LRP1B: variants seen among roughly 807,000 people sequenced by gnomAD.
LRP1B encodes low-density lipoprotein receptor-related protein 1B.
LRP1B carries 217 observed loss-of-function variants against 556.6 expected under a neutral mutation model. That is an observed-to-expected ratio of 0.39 (90% confidence interval 0.35 to 0.44). The LOEUF (loss-of-function observed/expected upper bound fraction) is 0.44. LRP1B is among the 20% of genes least tolerant of loss of function. The probability of loss-of-function intolerance (pLI) is 1.00; values close to 1 mark genes in which losing one functional copy is unlikely to be tolerated. For missense variants in LRP1B, 5,053 were observed against 5,620.8 expected (o/e 0.90, Z 3.23); for synonymous variants, 2,047 against 1,865.8 (o/e 1.10, Z -2.50).
intron 1 of LRP1B, among the ~76,000 whole-genome samples, chr2:142,084,245 G>C (rs939710500): frequency 6.6e-6 from 1 of 152,188 alleles, no homozygotes; most frequent in East Asian, 1.9e-4. Context: ...GCCTCCCAAA[G>C]TGTTGGGCTT....
intron 7 of LRP1B, among the ~76,000 whole-genome samples, chr2:141,142,718 G>A (rs1465339056): frequency 6.6e-6 from 1 of 151,976 alleles, no homozygotes; most frequent in Non-Finnish European, 1.5e-5. Flanking sequence ...AAGTGAAAAA[G>A]TGAAAATAAT....
intron 2 of LRP1B, among the ~76,000 whole-genome samples, chr2:141,526,731 G>A (rs921975644): frequency 3.3e-5 from 5 of 151,942 alleles, no homozygotes; most frequent in Non-Finnish European, 7.4e-5. Context: ...TCTGGTAAAA[G>A]GGTATTGTAA....
intron 1 of LRP1B, among the ~76,000 whole-genome samples, chr2:141,880,435 A>G (rs984811683): frequency 2.6e-5 from 4 of 152,174 alleles, no homozygotes; most frequent in East Asian, 1.9e-4. Context: ...AATAAAAACT[A>G]TATATAAATG....
intron 1 of LRP1B, among the ~76,000 whole-genome samples, chr2:142,123,433 T>C (rs547913658): frequency 6.6e-6 from 1 of 152,134 alleles, no homozygotes; most frequent in Non-Finnish European, 1.5e-5. Flanking sequence ...CAAGAGACGA[T>C]AGGTGGTACC....
At chr2:140,334,690 C>A in intron 78 of LRP1B, 131 bp from the exon 79 acceptor site, 1 of 499,758 alleles carries the variant, frequency 2.0e-6, no homozygotes, top group Non-Finnish European at 3.6e-6. Flanking sequence ...AGAGTCAACT[C>A]AAAACACACA....
intron 2 of LRP1B, among the ~76,000 whole-genome samples, chr2:141,580,066 A>G (rs1469821044): frequency 6.6e-6 from 1 of 152,112 alleles, no homozygotes; most frequent in Non-Finnish European, 1.5e-5. Context: ...CTTGTCACCA[A>G]GTTCTTCTGG....
At chr2:141,309,802 C>G (rs1405807216) in intron 3 of LRP1B, among the ~76,000 whole-genome samples, 2 of 151,868 alleles carry the variant, frequency 1.3e-5, no homozygotes, top group African/African-American at 4.8e-5. Flanking sequence ...TGTAACAAAC[C>G]TGCACGTTCT....
chr2:141,674,136 A>G (rs1690783735), intron 2 of LRP1B, among the ~76,000 whole-genome samples: 2 of 152,100 alleles, frequency 1.3e-5, no homozygotes, highest in African/African-American at 4.8e-5. Flanking sequence ...CCATAATCTT[A>G]TACATTAACA....
intron 66 of LRP1B, among the ~76,000 whole-genome samples, chr2:140,431,986 CA>C (rs1206797136): frequency 6.6e-6 from 1 of 152,116 alleles, no homozygotes; most frequent in Non-Finnish European, 1.5e-5. Context: ...TATAAGAAGA[CA>C]GGAATGTCAG....
chr2:141,688,684 A>G (rs1691402087), intron 2 of LRP1B, among the ~76,000 whole-genome samples: 1 of 151,904 alleles, frequency 6.6e-6, no homozygotes, highest in African/African-American at 2.4e-5. Flanking sequence ...ATCTCGTTCC[A>G]GAAACAAGTC....
intron 3 of LRP1B, among the ~76,000 whole-genome samples, chr2:141,325,368 G>C (rs1687394188): frequency 6.6e-6 from 1 of 152,048 alleles, no homozygotes; most frequent in South Asian, 2.1e-4. Flanking sequence ...TGTTTCAAGA[G>C]TTAAATATAT....
chr2:141,204,948 A>C (rs1682207234), intron 6 of LRP1B, among the ~76,000 whole-genome samples: 1 of 151,974 alleles, frequency 6.6e-6, no homozygotes, highest in African/African-American at 2.4e-5. Context: ...GATAAAAAAA[A>C]AGGAAAAAGA....
At chr2:141,153,241 G>A (rs7606139) in intron 7 of LRP1B, among the ~76,000 whole-genome samples, 85,655 of 127,358 alleles carry the variant, frequency 0.67, 28,782 homozygotes, top group Middle Eastern at 0.78. Flanking sequence ...TATATAATTT[G>A]TATATATAAT....
chr2:140,895,564 C>T (rs1021832715), intron 23 of LRP1B, among the ~76,000 whole-genome samples: 2 of 152,136 alleles, frequency 1.3e-5, no homozygotes, highest in African/African-American at 2.4e-5. Flanking sequence ...TGTTACCGTG[C>T]GCTCTTTTAC....
intron 2 of LRP1B, among the ~76,000 whole-genome samples, chr2:141,699,271 G>A (rs1691849177): frequency 6.6e-6 from 1 of 151,794 alleles, no homozygotes; most frequent in Non-Finnish European, 1.5e-5. Context: ...AAGTTCCCCA[G>A]GTGATTATAA....
intron 2 of LRP1B, among the ~76,000 whole-genome samples, chr2:141,609,801 C>G (rs1688041137): frequency 6.6e-6 from 1 of 152,164 alleles, no homozygotes; most frequent in Admixed American, 6.5e-5. Flanking sequence ...TGTCCTCTAC[C>G]TAAATATTCC....
intron 1 of LRP1B, among the ~76,000 whole-genome samples, chr2:141,986,032 A>G (rs1486544475): frequency 6.6e-6 from 1 of 151,962 alleles, no homozygotes; most frequent in Non-Finnish European, 1.5e-5. Flanking sequence ...AATGATGGAG[A>G]TTATGTAGAC....
At chr2:141,921,739 A>G (rs1700191087) in intron 1 of LRP1B, among the ~76,000 whole-genome samples, 1 of 152,046 alleles carries the variant, frequency 6.6e-6, no homozygotes, top group Admixed American at 6.6e-5. Flanking sequence ...CCAAATAAAT[A>G]TTTCCTATTC....
intron 2 of LRP1B, among the ~76,000 whole-genome samples, chr2:141,602,420 G>T (rs1320563672): frequency 6.6e-6 from 1 of 152,022 alleles, no homozygotes; most frequent in Non-Finnish European, 1.5e-5. Flanking sequence ...GTCCTATGTT[G>T]GCTCAACTCA....
Sources: allele counts gnomAD v4.1 joint callset (sites outside exome capture counted in the v4.1 genomes callset), GRCh38; gene constraint gnomAD v4.1.1; transcripts MANE v1.5; gene names NCBI Gene and HGNC (gene_info 2026-07-23, HGNC 2026-07-21).